The following SH3RF3 variants were observed in gnomAD, a reference collection of about 807,000 sequenced individuals.
SH3RF3 encodes SH3 domain containing ring finger 3.
In SH3RF3, 29 loss-of-function variants were observed where a neutral mutation model predicts 66.3. The ratio of observed to expected loss-of-function variants is 0.44; its 90% CI spans 0.33 to 0.60. SH3RF3 has a LOEUF of 0.60. Ranked by LOEUF, SH3RF3 falls within the 20% of genes least tolerant of loss-of-function variation. SH3RF3 has a pLI of 0.04. For synonymous variants in SH3RF3, 583 were observed against 532.0 expected (o/e 1.10, Z -1.32); for missense variants, 1,194 against 1,190.9 (o/e 1.00, Z -0.04).
chr2:109,383,351 C>T (rs1307552264), intron 3 of SH3RF3, among the ~76,000 whole-genome samples: 1 of 152,112 alleles, frequency 6.6e-6, no homozygotes, highest in Admixed American at 6.5e-5. Flanking sequence ...TCCAGAGCAG[C>T]CCATCTTTGC....
intron 1 of SH3RF3, among the ~76,000 whole-genome samples, chr2:109,309,495 A>G (rs1293006294): frequency 1.5e-5 from 2 of 129,470 alleles, no homozygotes; most frequent in Admixed American, 1.5e-4. Flanking sequence ...AAATTCACAC[A>G]TAACAATATT....
At chr2:109,438,329 A>G (rs1677469006) in intron 7 of SH3RF3, among the ~76,000 whole-genome samples, 1 of 152,022 alleles carries the variant, frequency 6.6e-6, no homozygotes, top group Non-Finnish European at 1.5e-5. Context: ...GTCTGGCACC[A>G]TCAGCAGGTA....
intron 1 of SH3RF3, among the ~76,000 whole-genome samples, chr2:109,217,258 A>T (rs1225255211): frequency 6.6e-6 from 1 of 152,024 alleles, no homozygotes; most frequent in Non-Finnish European, 1.5e-5. Flanking sequence ...CTTCCATTGA[A>T]CCTTTTGGGT....
At chr2:109,480,878 G>C (rs1039443292) in intron 8 of SH3RF3, among the ~76,000 whole-genome samples, 2 of 152,138 alleles carry the variant, frequency 1.3e-5, no homozygotes, top group Admixed American at 6.5e-5. Flanking sequence ...ATCTGTGGAT[G>C]GTTTGATTTG....
chr2:109,429,040 G>T (rs192126325), intron 5 of SH3RF3, among the ~76,000 whole-genome samples: 30 of 152,344 alleles, frequency 2.0e-4, no homozygotes, highest in Admixed American at 5.2e-4. Flanking sequence ...ACAGACGTTG[G>T]TGAGAAACAG....
At chr2:109,295,654 C>T (rs538563788) in intron 1 of SH3RF3, among the ~76,000 whole-genome samples, 2 of 147,656 alleles carry the variant, frequency 1.4e-5, no homozygotes, top group South Asian at 2.1e-4. Context: ...CCCCACAGGA[C>T]AGGGGCCTGC....
intron 5 of SH3RF3, among the ~76,000 whole-genome samples, chr2:109,426,545 G>A (rs1406137335): frequency 1.3e-5 from 2 of 152,212 alleles, no homozygotes; most frequent in African/African-American, 2.4e-5. Context: ...AACAGATGAG[G>A]AGTTGCTCCT....
At chr2:109,488,275 C>G (rs1483789073) in intron 8 of SH3RF3, among the ~76,000 whole-genome samples, 1 of 152,182 alleles carries the variant, frequency 6.6e-6, no homozygotes, top group African/African-American at 2.4e-5. Flanking sequence ...ACCAACATCC[C>G]TGGGATCTGC....
intron 1 of SH3RF3, among the ~76,000 whole-genome samples, chr2:109,225,566 T>G (rs562164181): frequency 3.7e-4 from 57 of 152,360 alleles, no homozygotes; most frequent in Non-Finnish European, 1.0e-4. Flanking sequence ...GAATGATTTT[T>G]AATGTGGGAT....
chr2:109,483,443 G>A (rs916651171), intron 8 of SH3RF3, among the ~76,000 whole-genome samples: 6 of 152,118 alleles, frequency 3.9e-5, no homozygotes, highest in African/African-American at 1.4e-4. Context: ...AAGAAAAGGT[G>A]CTCCCTTCTC....
At chr2:109,342,778 C>T (rs979196814) in intron 1 of SH3RF3, among the ~76,000 whole-genome samples, 1 of 152,168 alleles carries the variant, frequency 6.6e-6, no homozygotes, top group Non-Finnish European at 1.5e-5. Flanking sequence ...CCCACGTGAG[C>T]GCCATCTCCA....
intron 1 of SH3RF3, among the ~76,000 whole-genome samples, chr2:109,147,465 A>G (rs1400037934): frequency 6.6e-6 from 1 of 152,144 alleles, no homozygotes; most frequent in Non-Finnish European, 1.5e-5. Context: ...CGTATTTATA[A>G]TTTTCCATCT....
intron 9 of SH3RF3, among the ~76,000 whole-genome samples, 189 bp from the exon 10 acceptor site, chr2:109,501,314 A>AT (rs544778870): frequency 6.6e-6 from 1 of 152,176 alleles, no homozygotes; most frequent in African/African-American, 2.4e-5. Flanking sequence ...TGCCTTTTAA[A>AT]TTTTTTTTAT....
chr2:109,218,632 C>G (rs1483754665), intron 1 of SH3RF3, among the ~76,000 whole-genome samples: 1 of 152,156 alleles, frequency 6.6e-6, no homozygotes, highest in African/African-American at 2.4e-5. Flanking sequence ...CACAGAAATG[C>G]ACAGTTTGGG....
At chr2:109,252,449 C>T (rs541637147) in intron 1 of SH3RF3, among the ~76,000 whole-genome samples, 1 of 152,248 alleles carries the variant, frequency 6.6e-6, no homozygotes, top group African/African-American at 2.4e-5. Flanking sequence ...TGTCTTTTTA[C>T]AGGCCTTCAG....
intron 1 of SH3RF3, among the ~76,000 whole-genome samples, chr2:109,266,126 G>A (rs1244191048): frequency 6.6e-6 from 1 of 151,582 alleles, no homozygotes; most frequent in Non-Finnish European, 1.5e-5. Context: ...TGTGTATTCA[G>A]TGTGTTGTAG....
intron 8 of SH3RF3, among the ~76,000 whole-genome samples, chr2:109,480,384 G>C (rs544384880): frequency 2.0e-5 from 3 of 152,326 alleles, no homozygotes; most frequent in Non-Finnish European, 2.9e-5. Flanking sequence ...ATTTGTTCAA[G>C]GGTGCATGGC....
intron 1 of SH3RF3, among the ~76,000 whole-genome samples, chr2:109,242,871 C>T (rs1679819762): frequency 6.6e-6 from 1 of 152,156 alleles, no homozygotes; most frequent in South Asian, 2.1e-4. Flanking sequence ...ATTATCTATT[C>T]TCACAAAGGG....
chr2:109,227,397 A>G (rs1439883786), intron 1 of SH3RF3, among the ~76,000 whole-genome samples: 3 of 152,158 alleles, frequency 2.0e-5, no homozygotes, highest in Non-Finnish European at 4.4e-5. Flanking sequence ...CATTTCTGTA[A>G]CCAGCTGTTC....
Sources: allele counts gnomAD v4.1 joint callset (sites outside exome capture counted in the v4.1 genomes callset), GRCh38; gene constraint gnomAD v4.1.1; transcripts MANE v1.5; gene names NCBI Gene and HGNC (gene_info 2026-07-23, HGNC 2026-07-21).